The following ARHGAP6 variants were observed in gnomAD, a reference collection of about 807,000 sequenced individuals.
ARHGAP6 encodes rho GTPase-activating protein 6.
A neutral mutation model predicts 55.7 loss-of-function variants in ARHGAP6; 16 were observed. The ratio of observed to expected loss-of-function variants is 0.29; its 90% CI spans 0.19 to 0.44. The LOEUF is 0.44. Among genes scored for constraint, ARHGAP6 ranks in the 20% least tolerant of loss-of-function variants. The probability of loss-of-function intolerance (pLI) is 1.00; values close to 1 mark genes in which losing one functional copy is unlikely to be tolerated. For missense variants in ARHGAP6, 698 were observed against 808.9 expected, an observed-to-expected ratio of 0.86 and a Z score of 1.66; for synonymous variants, 382 against 360.9, an observed-to-expected ratio of 1.06 and a Z score of -0.66.
intron 1 of ARHGAP6, among the ~76,000 whole-genome samples, chrX:11,624,345 C>T (rs781209756): frequency 8.9e-5 from 10 of 112,332 alleles, no homozygotes; most frequent in African/African-American, 2.9e-4. Context: ...ACCTCAAAAA[C>T]TCAGGCAACC....
intron 1 of ARHGAP6, among the ~76,000 whole-genome samples, chrX:11,518,192 G>A (rs924111223): frequency 2.7e-5 from 3 of 110,340 alleles, no homozygotes; most frequent in Non-Finnish European, 1.9e-5. Context: ...CCAGGCTGGA[G>A]TGCAGTGGTA....
chrX:11,633,678 G>A (rs1192919426), intron 1 of ARHGAP6, among the ~76,000 whole-genome samples: 2 of 112,188 alleles, frequency 1.8e-5, no homozygotes, highest in Non-Finnish European at 3.8e-5. Context: ...CTAAATCACA[G>A]TACTGACAAG....
chrX:11,265,047 C>G (rs1163085560), intron 1 of ARHGAP6, among the ~76,000 whole-genome samples: 1 of 112,213 alleles, frequency 8.9e-6, no homozygotes, highest in Non-Finnish European at 1.9e-5. Flanking sequence ...TCATGATAAA[C>G]CAATCCAAAC....
At chrX:11,523,098 A>G (rs1201544505) in intron 1 of ARHGAP6, among the ~76,000 whole-genome samples, 1 of 111,960 alleles carries the variant, frequency 8.9e-6, no homozygotes, top group African/African-American at 3.2e-5. Flanking sequence ...ATCAATAAAT[A>G]TAATCCAGCA....
intron 1 of ARHGAP6, among the ~76,000 whole-genome samples, chrX:11,301,089 G>A (rs1232700848): frequency 4.5e-5 from 5 of 111,854 alleles, no homozygotes; most frequent in Admixed American, 3.8e-4. Flanking sequence ...TTTGAAGAAT[G>A]TTTATATTAT....
intron 1 of ARHGAP6, among the ~76,000 whole-genome samples, chrX:11,509,073 C>T (rs1413252803): frequency 1.8e-5 from 2 of 111,722 alleles, no homozygotes; most frequent in Admixed American, 9.5e-5. Flanking sequence ...TGATTCTAAA[C>T]CTCTGCAAAC....
At chrX:11,242,454 T>G (rs748508898) in intron 2 of ARHGAP6, among the ~76,000 whole-genome samples, 1 of 112,203 alleles carries the variant, frequency 8.9e-6, no homozygotes, top group Non-Finnish European at 1.9e-5. Context: ...AGAAGATTTT[T>G]TTTTCAAAGC....
At chrX:11,570,424 G>C (rs985273033) in intron 1 of ARHGAP6, among the ~76,000 whole-genome samples, 1 of 111,454 alleles carries the variant, frequency 9.0e-6, no homozygotes, top group African/African-American at 3.3e-5. Flanking sequence ...CTAGGCTGAA[G>C]GTTGGAGATA....
chrX:11,411,998 C>T lies in ARHGAP6; in HGVS notation c.589-157291G>A, dbSNP rs867153599. Reference sequence around the variant, plus strand: ...GGAAACCACTAATCTATTTTCTGTTCCTATGGATTTCTGGAAGGCATTACA... The same window carrying T: ...GGAAACCACTAATCTATTTTCTGTTTCTATGGATTTCTGGAAGGCATTACA... On this transcript the variant is annotated intron_variant, in intron 1 of 12. Coordinates refer to ENST00000337414, the MANE Select transcript of ARHGAP6 (RefSeq NM_013427.3). 4.5e-5 allele frequency among the ~76,000 whole-genome samples: 5 copies of T among 111,240 alleles called. No individual in the cohort carries two copies. In the South Asian group the frequency reaches 1.5e-3, roughly 34 times the overall value.
intron 12 of ARHGAP6, among the ~76,000 whole-genome samples, chrX:11,141,091 A>G (rs902020876): frequency 2.7e-5 from 3 of 112,209 alleles, no homozygotes; most frequent in Non-Finnish European, 5.6e-5. Context: ...CATTACATTT[A>G]AAAATGCACT....
At chrX:11,198,509 C>T (rs1287714052) in intron 2 of ARHGAP6, among the ~76,000 whole-genome samples, 1 of 112,049 alleles carries the variant, frequency 8.9e-6, no homozygotes, top group African/African-American at 3.2e-5. Context: ...TACTCTGTAA[C>T]ACTTTGTTCA....
chrX:11,291,323 G>T (rs1230276730), intron 1 of ARHGAP6, among the ~76,000 whole-genome samples: 1 of 111,410 alleles, frequency 9.0e-6, no homozygotes, highest in African/African-American at 3.3e-5. Flanking sequence ...AACTGTCCAT[G>T]GTGAATTAGC....
At chrX:11,231,320 C>T (rs906871075) in intron 2 of ARHGAP6, among the ~76,000 whole-genome samples, 1 of 112,091 alleles carries the variant, frequency 8.9e-6, no homozygotes, top group Admixed American at 9.5e-5. Flanking sequence ...TATTGTCTCA[C>T]TCAGCAGCTG....
chrX:11,158,834 G>T (rs139797230), intron 9 of ARHGAP6, among the ~76,000 whole-genome samples: 51 of 112,197 alleles, frequency 4.5e-4, no homozygotes, highest in African/African-American at 1.7e-3. Flanking sequence ...ATTGGATGCT[G>T]GGAATTCAGT....
chrX:11,175,121 C>T (rs758655479), intron 8 of ARHGAP6, among the ~76,000 whole-genome samples: 17 of 111,869 alleles, frequency 1.5e-4, no homozygotes, highest in Admixed American at 1.3e-3. Context: ...TCATATCACC[C>T]ATTAGTTGAA....
intron 1 of ARHGAP6, among the ~76,000 whole-genome samples, chrX:11,455,575 C>T (rs1054684437): frequency 8.9e-6 from 1 of 112,044 alleles, no homozygotes; most frequent in Non-Finnish European, 1.9e-5. Context: ...GTCTGTAAGT[C>T]CCTATGGCCA....
At chrX:11,321,254 T>C (rs1284454781) in intron 1 of ARHGAP6, among the ~76,000 whole-genome samples, 2 of 111,874 alleles carry the variant, frequency 1.8e-5, no homozygotes, top group Non-Finnish European at 3.8e-5. Flanking sequence ...ATAGAAGAAA[T>C]GGTAACAATT....
At chrX:11,466,510 G>C (rs757462279) in intron 1 of ARHGAP6, among the ~76,000 whole-genome samples, 60 of 109,829 alleles carry the variant, frequency 5.5e-4, no homozygotes, top group Non-Finnish European at 1.0e-3. Flanking sequence ...GGGCCTTTTT[G>C]TTTCTCTCTA....
At chrX:11,162,553 T>C (rs1216492450) in intron 9 of ARHGAP6, among the ~76,000 whole-genome samples, 3 of 111,347 alleles carry the variant, frequency 2.7e-5, no homozygotes, top group Non-Finnish European at 1.9e-5. Context: ...CTCAATTTTA[T>C]GCTCTTTCAG....
Sources: gnomAD v4.1 joint callset for allele counts (sites outside exome capture counted in the v4.1 genomes callset) on GRCh38, gnomAD v4.1.1 for gene constraint, MANE v1.5 for transcripts, NCBI Gene and HGNC (gene_info 2026-07-23, HGNC 2026-07-21) for gene names.